Variants in PTPRC observed in about 807,000 individuals in gnomAD.
The protein encoded by PTPRC is protein tyrosine phosphatase receptor type C.
Under a neutral mutation model 155.9 loss-of-function variants are expected in PTPRC, and 44 were observed. The ratio of observed to expected loss-of-function variants is 0.28; its 90% CI spans 0.22 to 0.36. PTPRC has a LOEUF of 0.36. Ranked by LOEUF, PTPRC falls within the 10% of genes least tolerant of loss-of-function variation. The pLI is 1.00. For synonymous variants in PTPRC, 525 were observed against 533.1 expected (o/e 0.98, Z 0.21); for missense variants, 1,401 against 1,564.6 (o/e 0.90, Z 1.76).
intron 16 of PTPRC, among the ~76,000 whole-genome samples, chr1:198,728,914 C>T (rs1434355570): frequency 6.6e-6 from 1 of 151,850 alleles, no homozygotes; most frequent in African/African-American, 2.4e-5. Context: ...CCTCACCCTC[C>T]TCTCTCCTCT....
intron 2 of PTPRC, among the ~76,000 whole-genome samples, chr1:198,655,923 C>A (rs1174849251): frequency 6.6e-6 from 1 of 152,068 alleles, no homozygotes; most frequent in Non-Finnish European, 1.5e-5. Context: ...TAACACTGTG[C>A]TATTCTAGAC....
rs984623613 is a variant in PTPRC at position 198,735,202 on chromosome 1, C to A, written c.2353C>A (p.Gln785Lys). 10 of 1,604,144 alleles carry A rather than the reference C, an allele frequency of 6.2e-6. No individual in the cohort carries two copies. Among genetic ancestry groups the A allele is most frequent in the Non-Finnish European group, 8.5e-6 (10 of 1,174,068 alleles). Residue 785 changes from glutamine to lysine, a missense_variant, in exon 23 of 33, where the codon CAG (glutamine) becomes AAG (lysine). Gln to Lys is a moderately conservative substitution (Grantham distance 53). Coordinates refer to ENST00000442510, the MANE Select transcript of PTPRC (RefSeq NM_002838.5). ...AFGDVVVKIN[Q>K]HKRCPDYIIQ... ...TGGAGATGTTGTTGTAAAGATCAAC[C>A]AGCACAAAAGATGTCCAGATTACAT...
chr1:198,687,993 ACAAG>A, intron 2 of PTPRC, among the ~76,000 whole-genome samples: 1 of 152,248 alleles, frequency 6.6e-6, no homozygotes. Flanking sequence ...GACCATGAGA[ACAAG>A]CAAGTTGAGT....
At chr1:198,755,152 A>T (rs1392864975) in intron 32 of PTPRC, among the ~76,000 whole-genome samples, 1 of 152,116 alleles carries the variant, frequency 6.6e-6, no homozygotes, top group Non-Finnish European at 1.5e-5. Flanking sequence ...GGGTAGGGAA[A>T]TAGACTCCAC....
intron 4 of PTPRC, among the ~76,000 whole-genome samples, chr1:198,697,674 T>C (rs1666269589): frequency 6.6e-6 from 1 of 152,218 alleles, no homozygotes; most frequent in African/African-American, 2.4e-5. Context: ...TAATGTGTTA[T>C]GTTGACTTTT....
At position 198,699,711 on chromosome 1, in the gene PTPRC, G is replaced by C. The variant is rs1365507793; in HGVS notation, c.439+7G>C. On this transcript the variant is annotated splice_region_variant and intron_variant, in intron 5 of 32. Transcript: ENST00000442510. ...GGCAGCAATGCTATCTCAGGTTTGC[G>C]GGTCCTTTAGACTTGTGCAAATATG... 1.2e-6 allele frequency: 2 copies of C among 1,614,056 alleles called. No individual in the cohort carries two copies. Among genetic ancestry groups the C allele is most frequent in the Non-Finnish European group, 8.5e-7 (1 of 1,179,986 alleles).
At chr1:198,646,456 G>T (rs551170262) in intron 2 of PTPRC, among the ~76,000 whole-genome samples, 2 of 151,764 alleles carry the variant, frequency 1.3e-5, no homozygotes, top group South Asian at 4.1e-4. Context: ...TGTAGTTTTG[G>T]CTACCGCTAG....
intron 2 of PTPRC, among the ~76,000 whole-genome samples, chr1:198,642,302 AT>A (rs1049116270): frequency 2.6e-4 from 40 of 152,132 alleles, no homozygotes; most frequent in African/African-American, 9.1e-4. Context: ...ATATTTCTTT[AT>A]GTAGATACTC....
chr1:198,656,961 G>A (rs114454688), intron 2 of PTPRC, among the ~76,000 whole-genome samples: 99 of 151,160 alleles, frequency 6.5e-4, no homozygotes, highest in African/African-American at 2.3e-3. Context: ...TGTTTAAAAC[G>A]AAATATCTAC....
chr1:198,713,187 C>T (rs1653399376), intron 12 of PTPRC, 115 bp downstream of exon 12: 1 of 1,413,470 alleles, frequency 7.1e-7, no homozygotes, highest in Admixed American at 1.8e-5. Flanking sequence ...ACTGCATAGG[C>T]ATAGTATACT....
At chr1:198,652,966 A>G (rs906259171) in intron 2 of PTPRC, among the ~76,000 whole-genome samples, 2 of 151,902 alleles carry the variant, frequency 1.3e-5, no homozygotes, top group African/African-American at 4.8e-5. Flanking sequence ...CGAGTCAGAT[A>G]CAATATAAGA....
intron 4 of PTPRC, among the ~76,000 whole-genome samples, chr1:198,697,191 G>A (rs1327950221): frequency 6.6e-6 from 1 of 152,062 alleles, no homozygotes; most frequent in Non-Finnish European, 1.5e-5. Context: ...ATACACACTC[G>A]CCATGATTCT....
At chr1:198,744,936 T>C (rs1039723441) in intron 26 of PTPRC, among the ~76,000 whole-genome samples, 1 of 151,680 alleles carries the variant, frequency 6.6e-6, no homozygotes, top group Non-Finnish European at 1.5e-5. Flanking sequence ...AGGTGGAGCA[T>C]GCAATAATGA....
Position 198,702,399 on chromosome 1 carries a change from A to G in PTPRC, c.452A>G (p.Glu151Gly). 6.2e-7 allele frequency: 1 copy of G among 1,614,118 alleles called. No homozygotes were observed. The change falls in exon 6 of 33, where the codon GAG (glutamate) becomes GGG (glycine). Residue 151 changes from glutamate (E) to glycine (G), a missense_variant. Around this residue, in one of 3 missense-constraint regions of PTPRC, gnomAD observed 867 missense variants for 970.4 expected, o/e 0.89. Transcript: ENST00000442510. ...CTTCTGATTGCAGATGTCCCAGGAG[A>G]GAGGAGTACAGCCAGCACCTTTCCT... ...GSNAISDVPGERSTASTFPTD... is the reference protein window; with the variant it reads ...GSNAISDVPGGRSTASTFPTD...
At chr1:198,642,493 T>G (rs894281807) in intron 2 of PTPRC, among the ~76,000 whole-genome samples, 52 of 152,022 alleles carry the variant, frequency 3.4e-4, no homozygotes, top group African/African-American at 1.2e-3. Flanking sequence ...CATTGCCTAC[T>G]ATGTGTTGAT....
At chr1:198,711,065 C>T (rs1423335863) in intron 11 of PTPRC, among the ~76,000 whole-genome samples, 1 of 152,084 alleles carries the variant, frequency 6.6e-6, no homozygotes, top group Non-Finnish European at 1.5e-5. Flanking sequence ...ACCTCATGAT[C>T]CGCCCACCTT....
chr1:198,680,142 G>C, intron 2 of PTPRC: 1 of 408,240 alleles, frequency 2.4e-6, no homozygotes, highest in East Asian at 3.7e-5. Context: ...GGAAGCCGGG[G>C]CTCATTTATA....
chr1:198,646,196 G>GT (rs1662930833), intron 2 of PTPRC, among the ~76,000 whole-genome samples: 1 of 151,706 alleles, frequency 6.6e-6, no homozygotes, highest in African/African-American at 2.4e-5. Flanking sequence ...ATCCTTGGCA[G>GT]TTTTTCCATT....
chr1:198,677,507 T>A (rs1443208601), intron 2 of PTPRC, among the ~76,000 whole-genome samples: 1 of 151,988 alleles, frequency 6.6e-6, no homozygotes, highest in Non-Finnish European at 1.5e-5. Context: ...CTTTCCTACC[T>A]AACTCAAACA....
Sources: gnomAD v4.1 joint callset for allele counts (sites outside exome capture counted in the v4.1 genomes callset) on GRCh38, gnomAD v4.1.1 for gene constraint, gnomAD v4.1.1 regional missense constraint, MANE v1.5 for transcripts, NCBI Gene and HGNC (gene_info 2026-07-23, HGNC 2026-07-21) for gene names.